VAPB: variants seen among roughly 807,000 people sequenced by gnomAD.
The protein encoded by VAPB is VAMP associated protein B and C.
VAPB carries 7 observed loss-of-function variants against 25.6 expected under a neutral mutation model. That is an observed-to-expected ratio of 0.27 (90% CI 0.16 to 0.51). VAPB has a LOEUF of 0.51. VAPB is among the 20% of genes least tolerant of loss of function. The pLI, the probability that VAPB is intolerant of heterozygous loss-of-function variation, is 0.97. For missense variants in VAPB, 266 were observed against 301.3 expected (o/e 0.88, Z 0.87); for synonymous variants, 112 against 109.2 (o/e 1.03, Z -0.16).
rs1172356899 is a variant in VAPB, at chr20:58,448,076, TGAG to T, written c.*3845_*3847del. 1 of 454,106 alleles carries T rather than the reference TGAG, an allele frequency of 2.2e-6. No homozygotes were observed. Among genetic ancestry groups the T allele is most frequent in the Non-Finnish European group, 4.4e-6 (1 of 226,782 alleles). 28.1% of individuals were successfully genotyped at this position (454,106 alleles called of 1,614,324 possible). The stretch of plus-strand genomic sequence containing the variant: ...ACTGAACTATGAAAAGTTACCACTC[TGAG>T]GAGACCTCTCTTAATTAACACTTGG... On this transcript the variant is annotated 3_prime_UTR_variant, in exon 6 of 6. Coordinates refer to ENST00000475243, the MANE Select transcript of VAPB (RefSeq NM_004738.5).
At chr20:58,412,867 A>C (rs555737344) in intron 1 of VAPB, among the ~76,000 whole-genome samples, 44 of 152,320 alleles carry the variant, frequency 2.9e-4, no homozygotes, top group African/African-American at 9.6e-4. Flanking sequence ...AATCATATGT[A>C]GATCAGGAGA....
chr20:58,417,600 C>T (rs1182029857), intron 1 of VAPB, among the ~76,000 whole-genome samples: 6 of 152,190 alleles, frequency 3.9e-5, no homozygotes, highest in African/African-American at 1.4e-4. Context: ...GACTGCCCAG[C>T]AGGACTCTGA....
intron 2 of VAPB, among the ~76,000 whole-genome samples, chr20:58,423,391 A>C (rs1000351743): frequency 7.5e-6 from 1 of 133,908 alleles, no homozygotes; most frequent in Admixed American, 7.8e-5. Flanking sequence ...CAGCCTGGGC[A>C]ACAAGAGAGA....
rs1472985700 is a variant in VAPB, at chr20:58,449,365, A to C, written c.*5130A>C. The C allele has an allele frequency of 2.2e-6, 1 of 453,488 alleles. No individual in the cohort carries two copies. Among genetic ancestry groups the C allele is most frequent in the Admixed American group, 2.4e-5 (1 of 42,468 alleles). The allele number at this position is 453,488 out of a possible 1,614,324, so 28.1% of individuals were successfully genotyped here. A position where few individuals can be genotyped will look rare whatever the true frequency, so the allele number is the denominator to read the frequency against. On this transcript the variant is annotated 3_prime_UTR_variant, in exon 6 of 6. Coordinates refer to ENST00000475243, the MANE Select transcript of VAPB (RefSeq NM_004738.5). ...AATTTAAAAGACATGAACTCACATAAACAGTTATGGATGATAGTTAAAAGA... is the reference window on the plus strand; with the variant it reads ...AATTTAAAAGACATGAACTCACATACACAGTTATGGATGATAGTTAAAAGA...
chr20:58,448,289 C>T lies in VAPB; in HGVS notation c.*4054C>T, dbSNP rs760191448. Reference sequence around the variant, plus strand: ...GCTCTGAGATCATGCTGGCCCTACGCGAATTGAGTTTCTGTGGCCTAATTG... The same window carrying T: ...GCTCTGAGATCATGCTGGCCCTACGTGAATTGAGTTTCTGTGGCCTAATTG... On this transcript the variant is annotated 3_prime_UTR_variant, in exon 6 of 6. Transcript: ENST00000475243. 4.4e-5 allele frequency: 20 copies of T among 453,582 alleles called. No individual in the cohort carries two copies. The highest frequency in any genetic ancestry group is 1.8e-4 in the African/African-American group (9 of 49,954). 28.1% of individuals were successfully genotyped at this position (453,582 alleles called of 1,614,324 possible).
At chr20:58,389,971 C>T (rs1379478248) in intron 1 of VAPB, among the ~76,000 whole-genome samples, 3 of 152,200 alleles carry the variant, frequency 2.0e-5, no homozygotes, top group African/African-American at 4.8e-5. Flanking sequence ...TTCCCTATTC[C>T]GTCACTGTTT....
chr20:58,415,314 G>C (rs550016564), intron 1 of VAPB, among the ~76,000 whole-genome samples: 2 of 152,344 alleles, frequency 1.3e-5, no homozygotes, highest in African/African-American at 4.8e-5. Flanking sequence ...CATTAGTGCT[G>C]TTTCATAAGC....
chr20:58,419,707 A>G (rs746286177), intron 2 of VAPB, among the ~76,000 whole-genome samples: 18 of 152,202 alleles, frequency 1.2e-4, no homozygotes, highest in Non-Finnish European at 1.9e-4. Flanking sequence ...GCATTTCTGT[A>G]TCCTCTGGAT....
intron 2 of VAPB, among the ~76,000 whole-genome samples, chr20:58,426,241 T>C (rs932522998): frequency 1.3e-5 from 2 of 152,148 alleles, no homozygotes; most frequent in South Asian, 2.1e-4. Flanking sequence ...CTGTGCTGTC[T>C]AGCCTGGAGT....
At chr20:58,400,512 C>T (rs1433649041) in intron 1 of VAPB, among the ~76,000 whole-genome samples, 2 of 152,152 alleles carry the variant, frequency 1.3e-5, no homozygotes, top group African/African-American at 2.4e-5. Context: ...TCTTATTGTA[C>T]GAATTGTATG....
Position 58,446,741 on chromosome 20 carries a change from A to G in VAPB, c.*2506A>G, listed in dbSNP as rs1170646068. 4.4e-6 allele frequency: 2 copies of G among 454,078 alleles called. No individual in the cohort carries two copies. Among genetic ancestry groups the G allele is most frequent in the East Asian group, 1.4e-4 (2 of 14,386 alleles). 28.1% of individuals were successfully genotyped at this position (454,078 alleles called of 1,614,324 possible). On this transcript the variant is annotated 3_prime_UTR_variant, in exon 6 of 6. Coordinates refer to ENST00000475243, the MANE Select transcript of VAPB (RefSeq NM_004738.5). Reference sequence around the variant, plus strand: ...GCCTTTTGACTGAGTGGCAGAAGGAAACTGCTCAGGAAGAGAAACAGGTGA... The same window carrying G: ...GCCTTTTGACTGAGTGGCAGAAGGAGACTGCTCAGGAAGAGAAACAGGTGA...
At chr20:58,401,536 T>C (rs1456982014) in intron 1 of VAPB, among the ~76,000 whole-genome samples, 1 of 152,202 alleles carries the variant, frequency 6.6e-6, no homozygotes, top group African/African-American at 2.4e-5. Flanking sequence ...CACTCTTCTC[T>C]TGACCTCTCT....
chr20:58,423,894 G>A lies in VAPB; in HGVS notation c.211+5531G>A, dbSNP rs530852146. Among the ~76,000 whole-genome samples, 24 of 152,226 alleles carry A rather than the reference G, an allele frequency of 1.6e-4. No homozygotes were observed. The South Asian group carries it at 5.0e-3, about 32-fold the overall frequency. On this transcript the variant is annotated intron_variant, in intron 2 of 5. Transcript: ENST00000475243. ...TCTTTTTCAGCAGATGAGAGATTCTGCTTAAACAAAAAGTAGAAAAAAGAA... is the reference window on the plus strand; with the variant it reads ...TCTTTTTCAGCAGATGAGAGATTCTACTTAAACAAAAAGTAGAAAAAAGAA...
intron 1 of VAPB, among the ~76,000 whole-genome samples, chr20:58,402,470 G>A (rs965585831): frequency 6.6e-6 from 1 of 151,300 alleles, no homozygotes; most frequent in African/African-American, 2.4e-5. Context: ...CATTGTATCT[G>A]TTCCTCTGGC....
At chr20:58,411,192 TG>T (rs2123044631) in intron 1 of VAPB, among the ~76,000 whole-genome samples, 1 of 152,350 alleles carries the variant, frequency 6.6e-6, no homozygotes, top group South Asian at 2.1e-4. Context: ...CACCAACACT[TG>T]GTATTGGTAG....
chr20:58,430,801 CTT>C (rs1309410268), intron 2 of VAPB, among the ~76,000 whole-genome samples: 10 of 152,260 alleles, frequency 6.6e-5, no homozygotes, highest in Middle Eastern at 3.4e-3. Context: ...GTCTGGAACT[CTT>C]GACCTCAGGT....
intron 1 of VAPB, among the ~76,000 whole-genome samples, chr20:58,396,952 T>C (rs189496030): frequency 6.6e-6 from 1 of 152,338 alleles, no homozygotes; most frequent in East Asian, 1.9e-4. Flanking sequence ...CTTTCCCTCA[T>C]ACCAGTATCA....
chr20:58,436,327 C>CTTTTTTTTT (rs57100987), intron 3 of VAPB, among the ~76,000 whole-genome samples: 25 of 114,974 alleles, frequency 2.2e-4, no homozygotes, highest in African/African-American at 7.0e-4. Context: ...GTTTTTCTTC[C>CTTTTTTTTT]TTTTTTTTTT....
intron 2 of VAPB, among the ~76,000 whole-genome samples, chr20:58,434,004 G>A (rs1988984406): frequency 6.6e-6 from 1 of 152,120 alleles, no homozygotes; most frequent in Admixed American, 6.5e-5. Flanking sequence ...AGGATCCTCT[G>A]TGTGAGATTT....
Sources: gnomAD v4.1 joint callset for allele counts (sites outside exome capture counted in the v4.1 genomes callset) on GRCh38, gnomAD v4.1.1 for gene constraint, MANE v1.5 for transcripts, NCBI Gene and HGNC (gene_info 2026-07-23, HGNC 2026-07-21) for gene names.